JARID2: variants seen among roughly 807,000 people sequenced by gnomAD.
JARID2 encodes the protein jumonji and AT-rich interaction domain containing 2.
A neutral mutation model predicts 125.6 loss-of-function variants in JARID2; 21 were observed. The observed-to-expected ratio is 0.17, with a 90% CI of 0.12 to 0.24. The LOEUF is 0.24. Ranked by LOEUF, JARID2 falls within the 10% of genes least tolerant of loss-of-function variation. JARID2 has a pLI of 1.00. For synonymous variants in JARID2, 736 were observed against 661.6 expected (o/e 1.11, Z -1.73); for missense variants, 1,303 against 1,639.6 (o/e 0.79, Z 3.55).
At chr6:15,336,797 C>T (rs1044545861) in intron 1 of JARID2, among the ~76,000 whole-genome samples, 1 of 152,024 alleles carries the variant, frequency 6.6e-6, no homozygotes, top group Non-Finnish European at 1.5e-5. Context: ...ATCCTCCCAC[C>T]TTGGCCTCCC....
At chr6:15,258,067 C>T (rs957432763) in intron 1 of JARID2, among the ~76,000 whole-genome samples, 4 of 152,114 alleles carry the variant, frequency 2.6e-5, no homozygotes, top group African/African-American at 9.7e-5. Context: ...AAAGATGACC[C>T]CCAATCACAT....
intron 1 of JARID2, among the ~76,000 whole-genome samples, chr6:15,347,994 A>G (rs1204398877): frequency 6.6e-6 from 1 of 152,160 alleles, no homozygotes; most frequent in Non-Finnish European, 1.5e-5. Flanking sequence ...GCTCAAGAGG[A>G]AGCATCCAAA....
intron 1 of JARID2, among the ~76,000 whole-genome samples, chr6:15,326,307 G>A (rs937674378): frequency 6.6e-6 from 1 of 152,128 alleles, no homozygotes; most frequent in Non-Finnish European, 1.5e-5. Context: ...CTGGGCTTAT[G>A]CAATACTCTC....
intron 17 of JARID2, among the ~76,000 whole-genome samples, chr6:15,519,491 T>C (rs1455043235): frequency 6.6e-6 from 1 of 152,162 alleles, no homozygotes; most frequent in Non-Finnish European, 1.5e-5. Context: ...CCCAGAGAGA[T>C]GCTCATAAGA....
At chr6:15,500,881 C>G in intron 7 of JARID2, 26 bp from the exon 8 acceptor site, 1 of 1,564,160 alleles carries the variant, frequency 6.4e-7, no homozygotes, top group Non-Finnish European at 8.7e-7. Flanking sequence ...CTAACTGTCC[C>G]GTTTTTTTCC....
At chr6:15,299,320 C>T (rs1220271598) in intron 1 of JARID2, among the ~76,000 whole-genome samples, 2 of 152,054 alleles carry the variant, frequency 1.3e-5, no homozygotes. Flanking sequence ...TCATTGGGTT[C>T]TCAAATTTTA....
At chr6:15,452,308 G>T in intron 4 of JARID2, 133 bp downstream of exon 4, 12 of 1,309,712 alleles carry the variant, frequency 9.2e-6, no homozygotes, top group South Asian at 3.2e-5. Context: ...AGGGGGAATT[G>T]AAAGTGAGAA....
intron 1 of JARID2, among the ~76,000 whole-genome samples, chr6:15,293,265 A>G (rs1027297019): frequency 1.2e-4 from 19 of 152,186 alleles, no homozygotes; most frequent in African/African-American, 3.6e-4. Context: ...ACAGGCCCTT[A>G]TTAGCCTGGC....
intron 1 of JARID2, among the ~76,000 whole-genome samples, chr6:15,323,820 A>C (rs1237536308): frequency 1.3e-5 from 2 of 151,942 alleles, no homozygotes; most frequent in Non-Finnish European, 2.9e-5. Context: ...TGAGCCCTGG[A>C]GGCAGAAGAT....
intron 3 of JARID2, among the ~76,000 whole-genome samples, chr6:15,418,304 G>A (rs1042690188): frequency 1.5e-5 from 2 of 137,908 alleles, no homozygotes; most frequent in Non-Finnish European, 3.0e-5. Context: ...TGCACCCTCC[G>A]CCCTCCCGAG....
chr6:15,461,445 G>A lies in JARID2; in HGVS notation c.494-7097G>A, dbSNP rs551583523. Among the ~76,000 whole-genome samples the A allele has an allele frequency of 7.2e-5, 11 of 152,304 alleles. 1 individual carries two copies. In the South Asian group the frequency reaches 2.3e-3, roughly 32 times the overall value. On this transcript the variant is annotated intron_variant, in intron 4 of 17. Transcript: ENST00000341776. Reference sequence around the variant, plus strand: ...TCTTGAGAGCTGTAATCCAGGAGGAGGAGGGAGGGTTGCTGAAGGAAAGAC... The same window carrying A: ...TCTTGAGAGCTGTAATCCAGGAGGAAGAGGGAGGGTTGCTGAAGGAAAGAC...
intron 3 of JARID2, among the ~76,000 whole-genome samples, chr6:15,445,169 G>A (rs548486554): frequency 6.6e-6 from 1 of 152,186 alleles, no homozygotes; most frequent in Non-Finnish European, 1.5e-5. Context: ...TGCCACCCTT[G>A]TGTGAAGCTT....
At chr6:15,482,311 T>A (rs1049022393) in intron 5 of JARID2, among the ~76,000 whole-genome samples, 3 of 152,234 alleles carry the variant, frequency 2.0e-5, no homozygotes, top group Admixed American at 2.0e-4. Flanking sequence ...CTTTCTACTT[T>A]TAGAAGTTAT....
intron 2 of JARID2, among the ~76,000 whole-genome samples, chr6:15,397,461 C>T (rs1339567988): frequency 1.3e-5 from 2 of 152,194 alleles, no homozygotes; most frequent in Non-Finnish European, 1.5e-5. Context: ...TTATTAATAG[C>T]GTGGTACTGA....
At chr6:15,321,012 T>C (rs769892111) in intron 1 of JARID2, among the ~76,000 whole-genome samples, 1 of 152,112 alleles carries the variant, frequency 6.6e-6, no homozygotes, top group Non-Finnish European at 1.5e-5. Flanking sequence ...AGGCGGTGTA[T>C]CATATGAATG....
intron 1 of JARID2, among the ~76,000 whole-genome samples, chr6:15,333,942 G>T (rs1203216156): frequency 6.6e-6 from 1 of 152,102 alleles, no homozygotes; most frequent in Non-Finnish European, 1.5e-5. Flanking sequence ...GAATAGAAGG[G>T]TGCTTCCCCC....
At chr6:15,436,643 C>T (rs1416405376) in intron 3 of JARID2, among the ~76,000 whole-genome samples, 2 of 152,110 alleles carry the variant, frequency 1.3e-5, no homozygotes, top group African/African-American at 4.8e-5. Flanking sequence ...TTTTCCCTCC[C>T]CACCTTCCCT....
At chr6:15,470,888 G>C (rs1769044456) in intron 5 of JARID2, among the ~76,000 whole-genome samples, 1 of 152,202 alleles carries the variant, frequency 6.6e-6, no homozygotes, top group African/African-American at 2.4e-5. Context: ...CTACTGTTTG[G>C]TGACCTGGAA....
Position 15,501,311 on chromosome 6 carries a change from A to G in JARID2, c.2350A>G (p.Thr784Ala). 1.2e-6 allele frequency: 2 copies of G among 1,611,710 alleles called. No homozygotes were observed. Among genetic ancestry groups the G allele is most frequent in the Non-Finnish European group, 1.7e-6 (2 of 1,178,450 alleles). The change falls in exon 8 of 18, where the codon ACT becomes GCT. Residue 784 changes from threonine (T) to alanine (A), a missense_variant. Thr to Ala is a moderately conservative substitution (Grantham distance 58, BLOSUM62 0). Coordinates refer to ENST00000341776, the MANE Select transcript of JARID2 (RefSeq NM_004973.4). ...LKEVGQAQLKTGRRRLFAQEK... is the reference protein window; with the variant it reads ...LKEVGQAQLKAGRRRLFAQEK... ...GGAGGTGGGCCAGGCCCAGTTGAAGACTGGCCGGCGGCGACTCTTCGCTCA... is the reference window on the plus strand; with the variant it reads ...GGAGGTGGGCCAGGCCCAGTTGAAGGCTGGCCGGCGGCGACTCTTCGCTCA...
Sources: gnomAD v4.1 joint callset for allele counts (sites outside exome capture counted in the v4.1 genomes callset) on GRCh38, gnomAD v4.1.1 for gene constraint, MANE v1.5 for transcripts, NCBI Gene and HGNC (gene_info 2026-07-23, HGNC 2026-07-21) for gene names.